OTUD7A: variants seen among roughly 807,000 people sequenced by gnomAD.
OTUD7A encodes the protein OTU domain-containing protein 7A.
A neutral mutation model predicts 65.7 loss-of-function variants in OTUD7A; 12 were observed. The observed-to-expected ratio is 0.18, with a 90% CI of 0.12 to 0.30. The LOEUF is 0.30. Ranked by LOEUF, OTUD7A falls within the 10% of genes least tolerant of loss-of-function variation. The probability of loss-of-function intolerance (pLI) is 1.00; values close to 1 mark genes in which losing one functional copy is unlikely to be tolerated. For missense variants in OTUD7A, 1,148 were observed against 1,304.8 expected (o/e 0.88, Z 1.85); for synonymous variants, 641 against 586.3 (o/e 1.09, Z -1.35).
At position 31,478,417 on chromosome 15, in the gene OTUD7A, T is replaced by C. The variant is rs895486325; in HGVS notation, c.*4877A>G. 8 of 152,244 alleles carry C rather than the reference T, an allele frequency of 5.3e-5. No individual in the cohort carries two copies. The highest frequency in any genetic ancestry group is 1.9e-4 in the African/African-American group (8 of 41,476). 9.4% of individuals were successfully genotyped at this position (152,244 alleles called of 1,614,324 possible). On this transcript the variant is annotated 3_prime_UTR_variant, in exon 13 of 13. Coordinates refer to ENST00000307050, the MANE Select transcript of OTUD7A (RefSeq NM_001382637.1). ...TGCAAGCAATGTGCATCATTCTGTA[T>C]GTACATAATTAGGATTAGTGAGGCC...
intron 1 of OTUD7A, among the ~76,000 whole-genome samples, chr15:31,868,282 C>A (rs545103485): frequency 6.6e-6 from 1 of 152,274 alleles, no homozygotes; most frequent in African/African-American, 2.4e-5. Context: ...TGACCCATAC[C>A]TAAAGATTTA....
chr15:31,804,506 C>CT (rs1896218053), intron 1 of OTUD7A, among the ~76,000 whole-genome samples: 1 of 152,182 alleles, frequency 6.6e-6, no homozygotes, highest in Admixed American at 6.5e-5. Flanking sequence ...TCCATGGAGA[C>CT]CTCAGGATGT....
intron 1 of OTUD7A, among the ~76,000 whole-genome samples, chr15:31,669,962 T>C (rs375648678): frequency 7.0e-6 from 1 of 143,692 alleles, no homozygotes; most frequent in African/African-American, 2.8e-5. Flanking sequence ...ATCTCCCTTT[T>C]CCACTTCCGC....
chr15:31,514,100 C>T (rs1451742759), intron 8 of OTUD7A, among the ~76,000 whole-genome samples: 1 of 146,892 alleles, frequency 6.8e-6, no homozygotes, highest in African/African-American at 2.5e-5. Context: ...GTTGCCCAGG[C>T]TGGAGTGCAG....
intron 1 of OTUD7A, among the ~76,000 whole-genome samples, chr15:31,869,843 A>G (rs745599036): frequency 1.3e-5 from 2 of 152,216 alleles, no homozygotes; most frequent in Non-Finnish European, 2.9e-5. Context: ...GACATCTCCC[A>G]AATTTAAAGG....
chr15:31,868,349 G>A (rs1454773951), intron 1 of OTUD7A, among the ~76,000 whole-genome samples: 3 of 152,204 alleles, frequency 2.0e-5, no homozygotes, highest in Non-Finnish European at 4.4e-5. Context: ...AACCATAAAC[G>A]TGGTGAATAT....
At chr15:31,545,596 T>C (rs893523915) in intron 5 of OTUD7A, among the ~76,000 whole-genome samples, 41 of 152,050 alleles carry the variant, frequency 2.7e-4, no homozygotes, top group African/African-American at 9.7e-4. Context: ...GTAAAAAACC[T>C]GAAAAGGCAC....
intron 1 of OTUD7A, among the ~76,000 whole-genome samples, chr15:31,789,819 C>A (rs923969565): frequency 2.6e-5 from 4 of 151,340 alleles, no homozygotes; most frequent in Non-Finnish European, 5.9e-5. Flanking sequence ...GATTCTCCTG[C>A]TGAGGTTGGG....
At chr15:31,620,195 C>T (rs950800269) in intron 3 of OTUD7A, among the ~76,000 whole-genome samples, 11 of 152,054 alleles carry the variant, frequency 7.2e-5, no homozygotes, top group Admixed American at 5.9e-4. Flanking sequence ...ATTTTTGCAT[C>T]GATGTTCATC....
rs1889666662 is a variant in OTUD7A, at chr15:31,589,889, G to A, written c.152-19692C>T. On this transcript the variant is annotated intron_variant, in intron 3 of 12. Coordinates refer to ENST00000307050, the MANE Select transcript of OTUD7A (RefSeq NM_001382637.1). ...TTAGTATTGAAACTATCAATCTCAT[G>A]GTAATGTAAAATATAATTAGTATAT... Among the ~76,000 whole-genome samples the A allele has an allele frequency of 2.0e-5, 3 of 152,038 alleles. No homozygotes were observed. In the South Asian group the frequency reaches 6.2e-4, roughly 32 times the overall value.
chr15:31,589,646 A>T (rs1461574482), intron 3 of OTUD7A, among the ~76,000 whole-genome samples: 1 of 151,824 alleles, frequency 6.6e-6, no homozygotes, highest in Non-Finnish European at 1.5e-5. Flanking sequence ...AATTTATACT[A>T]ATATCCTCAG....
At chr15:31,580,526 T>C (rs1238333824) in intron 3 of OTUD7A, among the ~76,000 whole-genome samples, 2 of 152,214 alleles carry the variant, frequency 1.3e-5, no homozygotes, top group African/African-American at 4.8e-5. Context: ...TCTGTTCTCA[T>C]GCTGCTAGTA....
intron 1 of OTUD7A, among the ~76,000 whole-genome samples, chr15:31,828,859 G>T (rs1288814941): frequency 1.3e-5 from 2 of 152,068 alleles, no homozygotes; most frequent in Admixed American, 1.3e-4. Flanking sequence ...CCCCAGGCAG[G>T]TCCCTAAGCC....
At chr15:31,839,815 T>C (rs994916661) in intron 1 of OTUD7A, among the ~76,000 whole-genome samples, 1 of 152,180 alleles carries the variant, frequency 6.6e-6, no homozygotes, top group African/African-American at 2.4e-5. Flanking sequence ...GGATATAAAC[T>C]CTTATATCAA....
At chr15:31,696,134 G>A (rs1256386753) in intron 1 of OTUD7A, among the ~76,000 whole-genome samples, 1 of 149,820 alleles carries the variant, frequency 6.7e-6, no homozygotes, top group Non-Finnish European at 1.5e-5. Flanking sequence ...GAGTGACAGG[G>A]CACAGGGTTG....
intron 1 of OTUD7A, among the ~76,000 whole-genome samples, chr15:31,731,164 C>G (rs1362064864): frequency 6.6e-6 from 1 of 152,130 alleles, no homozygotes; most frequent in Admixed American, 6.6e-5. Context: ...TGCATTTTCT[C>G]CTTCTCTAAA....
At chr15:31,704,228 A>G (rs920673014) in intron 1 of OTUD7A, among the ~76,000 whole-genome samples, 6 of 123,458 alleles carry the variant, frequency 4.9e-5, no homozygotes, top group African/African-American at 1.7e-4. Context: ...CTGGAACTCT[A>G]TTATTTCTTA....
chr15:31,538,536 C>A (rs12908729), intron 5 of OTUD7A, among the ~76,000 whole-genome samples: 46,982 of 152,050 alleles, frequency 0.31, 9,729 homozygotes, highest in African/African-American at 0.59. Flanking sequence ...GATCCGCTGA[C>A]CCTTAACAGG....
chr15:31,711,034 A>G (rs1893431167), intron 1 of OTUD7A, among the ~76,000 whole-genome samples: 1 of 150,976 alleles, frequency 6.6e-6, no homozygotes, highest in Non-Finnish European at 1.5e-5. Flanking sequence ...ATTTCGGTTC[A>G]TGTTCATTCA....
Sources: gnomAD v4.1 joint callset for allele counts (sites outside exome capture counted in the v4.1 genomes callset) on GRCh38, gnomAD v4.1.1 for gene constraint, MANE v1.5 for transcripts, NCBI Gene and HGNC (gene_info 2026-07-23, HGNC 2026-07-21) for gene names.